Variants in ZCCHC17 observed in about 807,000 individuals in gnomAD.
ZCCHC17 encodes the protein zinc finger CCHC domain-containing protein 17.
A neutral mutation model predicts 30.6 loss-of-function variants in ZCCHC17; 18 were observed. The observed-to-expected ratio is 0.59, with a 90% CI of 0.41 to 0.87. The LOEUF (loss-of-function observed/expected upper bound fraction) is 0.87. ZCCHC17 is among the 40% of genes least tolerant of loss of function. The pLI is 0.00. For synonymous variants in ZCCHC17, 88 were observed against 92.4 expected (o/e 0.95, Z 0.27); for missense variants, 263 against 284.2 (o/e 0.93, Z 0.54).
chr1:31,330,205 A>C (rs747612850), intron 3 of ZCCHC17, among the ~76,000 whole-genome samples: 20 of 152,342 alleles, frequency 1.3e-4, no homozygotes, highest in Non-Finnish European at 2.4e-4. Flanking sequence ...GTTGAACCTA[A>C]CGCAGTTGGG....
chr1:31,307,756 G>T (rs533922006), intron 1 of ZCCHC17, among the ~76,000 whole-genome samples: 118 of 152,006 alleles, frequency 7.8e-4, no homozygotes, highest in African/African-American at 2.7e-3. Context: ...TTGTATTTTA[G>T]TAGAGATGGG....
At chr1:31,341,308 T>G (rs1639039453) in intron 5 of ZCCHC17, among the ~76,000 whole-genome samples, 1 of 152,162 alleles carries the variant, frequency 6.6e-6, no homozygotes, top group Non-Finnish European at 1.5e-5. Flanking sequence ...TTCAAGTTAG[T>G]GTTGGGAAAA....
At chr1:31,360,619 A>G (rs1420149374) in intron 7 of ZCCHC17, among the ~76,000 whole-genome samples, 3 of 152,154 alleles carry the variant, frequency 2.0e-5, no homozygotes, top group Admixed American at 2.0e-4. Context: ...GGAGAAGGCC[A>G]CCTCCTTGAG....
chr1:31,306,251 C>T (rs1246753316), intron 1 of ZCCHC17, among the ~76,000 whole-genome samples: 1 of 152,118 alleles, frequency 6.6e-6, no homozygotes, highest in Non-Finnish European at 1.5e-5. Flanking sequence ...TTTACAGCTT[C>T]TCTTTGGTAT....
chr1:31,326,333 T>C (rs758296156), intron 3 of ZCCHC17, among the ~76,000 whole-genome samples: 106 of 152,338 alleles, frequency 7.0e-4, no homozygotes, highest in Middle Eastern at 6.8e-3. Context: ...AATAAATCCA[T>C]GCCTCTAACC....
At chr1:31,353,770 C>G (rs1164505210) in intron 7 of ZCCHC17, among the ~76,000 whole-genome samples, 2 of 151,974 alleles carry the variant, frequency 1.3e-5, no homozygotes, top group Admixed American at 1.3e-4. Flanking sequence ...TGGTCTTGGC[C>G]CCTGTTGAAA....
At chr1:31,313,747 C>G (rs1646661110) in intron 2 of ZCCHC17, among the ~76,000 whole-genome samples, 1 of 152,204 alleles carries the variant, frequency 6.6e-6, no homozygotes, top group East Asian at 1.9e-4. Flanking sequence ...GAAGCCCTCA[C>G]TCATCAGGTG....
At chr1:31,347,218 C>T (rs1218644354) in intron 6 of ZCCHC17, among the ~76,000 whole-genome samples, 1 of 152,140 alleles carries the variant, frequency 6.6e-6, no homozygotes, top group African/African-American at 2.4e-5. Flanking sequence ...ACAGGATAGT[C>T]ACTTCTTTTT....
At chr1:31,327,053 A>C (rs1250594632) in intron 3 of ZCCHC17, among the ~76,000 whole-genome samples, 1 of 152,176 alleles carries the variant, frequency 6.6e-6, no homozygotes, top group Non-Finnish European at 1.5e-5. Flanking sequence ...CTACTATTCA[A>C]ACCTAAGCTA....
chr1:31,363,223 G>A (rs1051633832), intron 7 of ZCCHC17, among the ~76,000 whole-genome samples: 12 of 140,922 alleles, frequency 8.5e-5, no homozygotes, highest in African/African-American at 3.2e-4. Context: ...TCGCTCTGTC[G>A]CCAAGGCTGG....
chr1:31,358,482 C>T (rs1488506140), intron 7 of ZCCHC17, among the ~76,000 whole-genome samples: 1 of 152,084 alleles, frequency 6.6e-6, no homozygotes, highest in African/African-American at 2.4e-5. Context: ...GTGGCTTGGA[C>T]TAGAATGACA....
At chr1:31,324,476 T>G (rs1437424571) in intron 3 of ZCCHC17, among the ~76,000 whole-genome samples, 1 of 152,222 alleles carries the variant, frequency 6.6e-6, no homozygotes, top group African/African-American at 2.4e-5. Flanking sequence ...CAGCCCTGGC[T>G]GCAGACCCAG....
intron 5 of ZCCHC17, among the ~76,000 whole-genome samples, chr1:31,341,845 A>G (rs910368857): frequency 6.6e-6 from 1 of 152,246 alleles, no homozygotes. Context: ...TGGTAGACAT[A>G]CATGTAGCTA....
At chr1:31,321,454 G>A (rs143216288) in intron 3 of ZCCHC17, among the ~76,000 whole-genome samples, 3 of 152,182 alleles carry the variant, frequency 2.0e-5, no homozygotes, top group Non-Finnish European at 4.4e-5. Context: ...TTTATTAGCA[G>A]TGTAAGAACA....
intron 1 of ZCCHC17, among the ~76,000 whole-genome samples, chr1:31,307,828 G>A (rs1255777207): frequency 1.3e-5 from 2 of 151,980 alleles, no homozygotes; most frequent in African/African-American, 4.8e-5. Flanking sequence ...ACCCGCCTTG[G>A]CCTCCCAAAG....
intron 1 of ZCCHC17, among the ~76,000 whole-genome samples, chr1:31,297,658 A>T (rs950566040): frequency 1.3e-5 from 2 of 152,166 alleles, no homozygotes; most frequent in African/African-American, 4.8e-5. Context: ...AAAACGTTAA[A>T]CAATGACCTC....
chr1:31,308,521 G>A (rs1646521549), intron 1 of ZCCHC17, among the ~76,000 whole-genome samples: 1 of 152,200 alleles, frequency 6.6e-6, no homozygotes, highest in South Asian at 2.1e-4. Flanking sequence ...GTATTTACCT[G>A]TGAAAACACA....
chr1:31,337,207 C>G lies in ZCCHC17; in HGVS notation c.157C>G (p.Arg53Gly). The change falls in exon 4 of 8, where the codon CGG becomes GGG. Residue 53 changes from arginine (R) to glycine (G), a missense_variant. Arg to Gly is a moderately radical substitution (Grantham distance 125). Coordinates refer to ENST00000344147, the MANE Select transcript of ZCCHC17 (RefSeq NM_016505.4). ...CCATCGAACTCATATGTCATCCTGTCGGGTGGATAAGCCCTCTGAGATAGT... is the reference window on the plus strand; with the variant it reads ...CCATCGAACTCATATGTCATCCTGTGGGGTGGATAAGCCCTCTGAGATAGT... ...LVHRTHMSSC[R>G]VDKPSEIVDV... 6.2e-7 allele frequency: 1 copy of G among 1,613,962 alleles called. No individual in the cohort carries two copies. Among genetic ancestry groups the G allele is most frequent in the Non-Finnish European group, 8.5e-7 (1 of 1,180,006 alleles).
intron 7 of ZCCHC17, among the ~76,000 whole-genome samples, chr1:31,349,334 A>AT (rs1228513942): frequency 1.8e-4 from 28 of 152,186 alleles, no homozygotes; most frequent in African/African-American, 6.0e-4. Context: ...TCTTATTGGC[A>AT]TTTTGTGGTA....
Sources: allele counts gnomAD v4.1 joint callset (sites outside exome capture counted in the v4.1 genomes callset), GRCh38; gene constraint gnomAD v4.1.1; transcripts MANE v1.5; gene names NCBI Gene and HGNC (gene_info 2026-07-23, HGNC 2026-07-21).